The following ZSCAN5B variants were observed in gnomAD, a reference collection of about 807,000 sequenced individuals.
The protein encoded by ZSCAN5B is zinc finger and SCAN domain containing 5B, also known as zinc finger and SCAN domain-containing protein 5B.
In ZSCAN5B, 26 loss-of-function variants were observed where a neutral mutation model predicts 25.2. That is an observed-to-expected ratio of 1.03 (90% CI 0.76 to 1.43). The LOEUF (loss-of-function observed/expected upper bound fraction) is 1.43, where lower values mean the gene tolerates loss of function less well. ZSCAN5B is among the 40% of genes most tolerant of loss of function. The pLI is 0.00. For synonymous variants in ZSCAN5B, 244 were observed against 240.9 expected (o/e 1.01, Z -0.12); for missense variants, 745 against 622.1 (o/e 1.20, Z -2.10).
intron 3 of ZSCAN5B, among the ~76,000 whole-genome samples, chr19:56,191,405 CA>C (rs1248084307): frequency 4.6e-5 from 7 of 152,124 alleles, no homozygotes; most frequent in Non-Finnish European, 1.0e-4. Context: ...CTGAGAATGC[CA>C]AACAAAAATG....
exon 5 of ZSCAN5B, chr19:56,190,173 C>T: frequency 6.2e-7 from 1 of 1,614,036 alleles, no homozygotes; most frequent in Non-Finnish European, 8.5e-7. Context: ...TTGAAAGGGT[C>T]TGTCTCCTGT....
In ZSCAN5B at chr19:56,192,807, C is replaced by G. The variant is rs756688268; in HGVS notation, c.246G>C (p.Gln82His). The change falls in exon 2 of 5, where the codon CAG (glutamine) becomes CAC (histidine). Residue 82 changes from glutamine to histidine, a missense_variant. Gln to His is a conservative substitution (Grantham distance 24, BLOSUM62 0). Coordinates refer to ENST00000586855, the Ensembl canonical transcript of ZSCAN5B. ...GCTCCATCACCAGCATGTCCAGGAT[C>G]TGCTCTTTGGTGTGGAGGTCGGGCC... 6.2e-6 allele frequency: 10 copies of G among 1,612,478 alleles called. No homozygotes were observed. In the South Asian group the frequency reaches 1.1e-4, roughly 18 times the overall value.
At chr19:56,191,187 T>C (rs2032727472) in intron 3 of ZSCAN5B, among the ~76,000 whole-genome samples, 200 bp from the exon 4 acceptor site, 1 of 152,166 alleles carries the variant, frequency 6.6e-6, no homozygotes, top group Non-Finnish European at 1.5e-5. Flanking sequence ...CCTGGCGGTT[T>C]TCACTGTTTG....
At chr19:56,193,826 G>C (rs1459359365) in intron 1 of ZSCAN5B, among the ~76,000 whole-genome samples, 2 of 152,076 alleles carry the variant, frequency 1.3e-5, no homozygotes, top group Non-Finnish European at 2.9e-5. Flanking sequence ...GCTGGGCATG[G>C]TGGCGGGCGT....
In ZSCAN5B at chr19:56,193,025, C is replaced by T. The variant is rs745957412; in HGVS notation, c.28G>A (p.Gly10Ser). ...GGGCTGTTGCAGGGTCCTCCCTGAC[C>T]CCATGAGAGTGTCCAATTTGCAGCC... The change falls in exon 2 of 5, where the codon GGT (glycine) becomes AGT (serine). Residue 10 changes from glycine to serine, a missense_variant. Transcript: ENST00000586855. 9 of 1,578,536 alleles carry T rather than the reference C, an allele frequency of 5.7e-6. No individual in the cohort carries two copies. In the South Asian group the frequency reaches 6.8e-5, roughly 12 times the overall value.
chr19:56,190,023 C>T (rs2032702342), exon 5 of ZSCAN5B: 4 of 1,612,842 alleles, frequency 2.5e-6, no homozygotes, highest in Middle Eastern at 1.7e-4. Flanking sequence ...GGTGTGGATC[C>T]TCTTGTGGCC....
In ZSCAN5B at chr19:56,190,355, G is replaced by T. The variant is rs200312845; in HGVS notation, c.960C>A (p.Asn320Lys). ...TCTCAGCTTGTCCTGGGGATTCTCT[G>T]TTGCCCACAGGTGTGGCTTCTCCTT... Residue 320 changes from asparagine to lysine, a missense_variant, in exon 5 of 5, where the codon AAC becomes AAA. By Grantham distance (94) the Asn-to-Lys change is moderately conservative. Coordinates refer to ENST00000586855, the Ensembl canonical transcript of ZSCAN5B. 2.8e-5 allele frequency: 46 copies of T among 1,614,154 alleles called. 1 individual carries two copies. The African/African-American group carries it at 5.2e-4, about 18-fold the overall frequency.
exon 5 of ZSCAN5B, chr19:56,190,198 G>A (rs1306493014): frequency 6.2e-7 from 1 of 1,614,082 alleles, no homozygotes; most frequent in Non-Finnish European, 8.5e-7. Flanking sequence ...GACCTCCTGT[G>A]GATGCTTAGC....
At chr19:56,190,155 A>G (rs768954497) in exon 5 of ZSCAN5B, 1 of 1,614,060 alleles carries the variant, frequency 6.2e-7, no homozygotes, top group Non-Finnish European at 8.5e-7. Context: ...CTTCCGACAG[A>G]GATCACATTG....
Position 56,190,932 on chromosome 19 carries a change from G to A in ZSCAN5B, c.644C>T (p.Pro215Leu), listed in dbSNP as rs370187858. ...CTTCTCCAAGGTCTGCTTGGGTCTC[G>A]GAGAGTTTGGGTCACCTGTTACGTC... is the stretch of plus-strand genomic sequence containing the variant. Residue 215 changes from proline (P) to leucine (L), a missense_variant, in exon 4 of 5, where the codon CCG becomes CTG. Physicochemically the swap from Pro to Leu is moderately conservative, Grantham distance 98. Transcript: ENST00000586855. 171 of 1,613,982 alleles carry A rather than the reference G, an allele frequency of 1.1e-4. No homozygotes were observed. Among genetic ancestry groups the A allele is most frequent in the Admixed American group, 1.8e-4 (11 of 59,980 alleles).
At chr19:56,191,409 C>A (rs1195001288) in intron 3 of ZSCAN5B, among the ~76,000 whole-genome samples, 1 of 152,162 alleles carries the variant, frequency 6.6e-6, no homozygotes, top group Non-Finnish European at 1.5e-5. Context: ...GAATGCCAAA[C>A]AAAAATGTCC....
At position 56,192,893 on chromosome 19, in the gene ZSCAN5B, C is replaced by T. The variant is rs1360974314; in HGVS notation, c.160G>A (p.Glu54Lys). 1 of 1,614,080 alleles carries T rather than the reference C, an allele frequency of 6.2e-7. No individual in the cohort carries two copies. The highest frequency in any genetic ancestry group is 8.5e-7 in the Non-Finnish European group (1 of 1,180,002). ...AGAGCCTGGATGGGGTCCGACTCCT[C>T]TGGGCAGCTGAACATCCTGAAATTC... Residue 54 changes from glutamate to lysine, a missense_variant, in exon 2 of 5, where the codon GAG becomes AAG. By Grantham distance (56) the Glu-to-Lys change is moderately conservative (BLOSUM62 1). Coordinates refer to ENST00000586855, the Ensembl canonical transcript of ZSCAN5B.
At position 56,197,177 on chromosome 19, in the gene ZSCAN5B, CT is replaced by C. The variant is rs112058807; in HGVS notation, c.-128+556del. ...TTAACATTATTACTTTATTTTTCTC[CT>C]TTTTTTTTTTTTGAGACGGAGTTTT... On this transcript the variant is annotated intron_variant, in intron 1 of 4. Coordinates refer to ENST00000586855, the Ensembl canonical transcript of ZSCAN5B. Among the ~76,000 whole-genome samples, 431 of 144,408 alleles carry C rather than the reference CT, an allele frequency of 3.0e-3. 3 individuals are homozygous for C. The highest frequency in any genetic ancestry group is 3.6e-3 in the Middle Eastern group (1 of 278). The allele number at this position is 144,408 out of a possible 152,430, so 94.7% of individuals were successfully genotyped here.
intron 1 of ZSCAN5B, among the ~76,000 whole-genome samples, chr19:56,194,111 A>T (rs564907861): frequency 6.6e-6 from 1 of 152,100 alleles, no homozygotes; most frequent in Non-Finnish European, 1.5e-5. Context: ...GAATCACTGC[A>T]TCACCCCAAA....
chr19:56,190,037 T>C lies in ZSCAN5B; in HGVS notation c.1278A>G (p.Leu426=), dbSNP rs201750979. The change falls in exon 5 of 5, where the codon TTA becomes TTG. Residue 426 remains leucine (L), a synonymous_variant. Transcript: ENST00000586855. ...CGGTGTGGATCCTCTTGTGGCCCTG[T>C]AAGGTGGACTCGTGGGCGAACCGCT... 192 of 1,613,414 alleles carry C rather than the reference T, an allele frequency of 1.2e-4. 1 individual carries two copies. The Middle Eastern group carries it at 2.3e-3, about 19-fold the overall frequency.
chr19:56,192,620 C>G lies in ZSCAN5B; in HGVS notation c.384+49G>C, dbSNP rs1268017845. 2.6e-5 allele frequency: 41 copies of G among 1,548,006 alleles called. 1 individual carries two copies. Among genetic ancestry groups the G allele is most frequent in the Non-Finnish European group, 3.4e-5 (39 of 1,147,488 alleles). ...ATTTGAGACTGGAGAATTCTTTGGC[C>G]CCCATCCCAGCTCCCCTTCCCTGCA... On this transcript the variant is annotated intron_variant, in intron 2 of 4. Transcript: ENST00000586855.
At chr19:56,191,981 T>C (rs979738164) in exon 3 of ZSCAN5B, 1 of 1,613,980 alleles carries the variant, frequency 6.2e-7, no homozygotes, top group Non-Finnish European at 8.5e-7. Context: ...TCTCTGACAC[T>C]GGCGGGGGCT....
exon 4 of ZSCAN5B, chr19:56,190,943 G>A (rs753397261): frequency 6.2e-7 from 1 of 1,613,892 alleles, no homozygotes; most frequent in South Asian, 1.1e-5. Flanking sequence ...GAGAGTTTGG[G>A]TCACCTGTTA....
chr19:56,191,448 G>A (rs899446188), intron 3 of ZSCAN5B, among the ~76,000 whole-genome samples: 1 of 152,102 alleles, frequency 6.6e-6, no homozygotes, highest in African/African-American at 2.4e-5. Context: ...GTCCTTAAAG[G>A]CAAAATCACC....
Sources: gnomAD v4.1 joint callset for allele counts (sites outside exome capture counted in the v4.1 genomes callset) on GRCh38, gnomAD v4.1.1 for gene constraint, MANE v1.5 for transcripts, NCBI Gene and HGNC (gene_info 2026-07-23, HGNC 2026-07-21) for gene names.